ADAMTSL1: variants seen among roughly 807,000 people sequenced by gnomAD.
ADAMTSL1 encodes the protein ADAMTS like 1.
In ADAMTSL1, 126 loss-of-function variants were observed where a neutral mutation model predicts 201.8. The observed-to-expected ratio is 0.62, with a 90% confidence interval of 0.54 to 0.72. The LOEUF (loss-of-function observed/expected upper bound fraction) is 0.72. ADAMTSL1 is among the 30% of genes least tolerant of loss of function. The probability of loss-of-function intolerance (pLI) is 0.00; values close to 1 mark genes in which losing one functional copy is unlikely to be tolerated. For synonymous variants in ADAMTSL1, 1,121 were observed against 903.4 expected (o/e 1.24, Z -4.32); for missense variants, 2,679 against 2,277.8 (o/e 1.18, Z -3.59).
chr9:18,227,440 T>C (rs1250302438), intron 2 of ADAMTSL1, among the ~76,000 whole-genome samples: 1 of 152,186 alleles, frequency 6.6e-6, no homozygotes, highest in Non-Finnish European at 1.5e-5. Context: ...TCTAATGTTG[T>C]CTATAGATTA....
intron 1 of ADAMTSL1, among the ~76,000 whole-genome samples, chr9:18,022,787 T>C (rs1280062513): frequency 6.6e-6 from 1 of 152,188 alleles, no homozygotes. Flanking sequence ...ACAAGAATTC[T>C]GTCTCCTCTA....
At chr9:18,813,046 C>A (rs1823607560) in intron 20 of ADAMTSL1, among the ~76,000 whole-genome samples, 1 of 149,332 alleles carries the variant, frequency 6.7e-6, no homozygotes, top group Non-Finnish European at 1.5e-5. Context: ...CAGCTTACTG[C>A]AAACTCTGCC....
intron 1 of ADAMTSL1, among the ~76,000 whole-genome samples, chr9:18,098,923 CT>C (rs1411008354): frequency 6.6e-6 from 1 of 152,132 alleles, no homozygotes; most frequent in Non-Finnish European, 1.5e-5. Context: ...CTGGGGCTCA[CT>C]TTGTGAGTTT....
intron 16 of ADAMTSL1, among the ~76,000 whole-genome samples, chr9:18,756,842 T>C (rs1267602140): frequency 6.6e-6 from 1 of 151,912 alleles, no homozygotes; most frequent in Admixed American, 6.5e-5. Flanking sequence ...ACTGACCTCA[T>C]GTGTATGTTT....
chr9:18,303,117 G>C (rs1433992189), intron 2 of ADAMTSL1, among the ~76,000 whole-genome samples: 1 of 152,178 alleles, frequency 6.6e-6, no homozygotes, highest in Non-Finnish European at 1.5e-5. Context: ...TGGTTAGTTA[G>C]TAGGTACTTA....
intron 2 of ADAMTSL1, among the ~76,000 whole-genome samples, chr9:18,430,928 A>G (rs561123174): frequency 6.6e-6 from 1 of 152,336 alleles, no homozygotes; most frequent in African/African-American, 2.4e-5. Context: ...GTACAGACAT[A>G]AAACAGGCTG....
chr9:18,147,758 G>A (rs1292735593), intron 1 of ADAMTSL1, among the ~76,000 whole-genome samples: 1 of 152,088 alleles, frequency 6.6e-6, no homozygotes, highest in Non-Finnish European at 1.5e-5. Flanking sequence ...CCATTCCATT[G>A]ATTGAGCTTC....
chr9:17,980,472 T>A (rs1617830), intron 1 of ADAMTSL1, among the ~76,000 whole-genome samples: 43,741 of 151,954 alleles, frequency 0.29, 7,197 homozygotes, highest in East Asian at 0.56. Context: ...GATTACTAGC[T>A]ATACTTTTTA....
At chr9:18,333,398 T>C (rs187917589) in intron 2 of ADAMTSL1, among the ~76,000 whole-genome samples, 1 of 152,304 alleles carries the variant, frequency 6.6e-6, no homozygotes, top group East Asian at 1.9e-4. Flanking sequence ...CTGCCTCCTG[T>C]GAAGAGGTGC....
intron 2 of ADAMTSL1, among the ~76,000 whole-genome samples, chr9:18,173,674 A>G (rs1463391407): frequency 6.6e-6 from 1 of 152,152 alleles, no homozygotes; most frequent in Admixed American, 6.6e-5. Context: ...TGAAGCATTA[A>G]AAGCCCCAAC....
intron 4 of ADAMTSL1, among the ~76,000 whole-genome samples, chr9:18,609,524 T>A (rs1041065341): frequency 1.3e-5 from 2 of 152,266 alleles, no homozygotes; most frequent in South Asian, 4.2e-4. Flanking sequence ...GTGATCTTAC[T>A]TCCTATATGC....
chr9:18,759,724 T>A (rs1464273420), intron 16 of ADAMTSL1, among the ~76,000 whole-genome samples: 1 of 152,230 alleles, frequency 6.6e-6, no homozygotes, highest in African/African-American at 2.4e-5. Flanking sequence ...TTGCCCTGAT[T>A]TTGATGGATG....
intron 3 of ADAMTSL1, among the ~76,000 whole-genome samples, chr9:18,556,507 A>G (rs190186118): frequency 1.3e-5 from 2 of 152,090 alleles, no homozygotes; most frequent in East Asian, 3.9e-4. Context: ...TTTCATAGGA[A>G]GAAGAAAGGA....
chr9:18,359,975 G>A (rs2133073610), intron 2 of ADAMTSL1, among the ~76,000 whole-genome samples: 1 of 152,010 alleles, frequency 6.6e-6, no homozygotes, highest in South Asian at 2.1e-4. Flanking sequence ...TAATAATAAT[G>A]TTAACCCTCC....
At chr9:18,104,682 T>A (rs1824681168) in intron 1 of ADAMTSL1, among the ~76,000 whole-genome samples, 1 of 152,194 alleles carries the variant, frequency 6.6e-6, no homozygotes, top group Non-Finnish European at 1.5e-5. Context: ...AGCCCAGACT[T>A]CACCACTATG....
intron 13 of ADAMTSL1, 48 bp from the exon 14 acceptor site, chr9:18,706,699 C>T (rs1215455321): frequency 2.0e-6 from 3 of 1,513,634 alleles, no homozygotes; most frequent in Non-Finnish European, 2.7e-6. Flanking sequence ...CCATGGCTTC[C>T]TGCCTGGGGC....
At chr9:18,279,936 T>A (rs1832720681) in intron 2 of ADAMTSL1, among the ~76,000 whole-genome samples, 1 of 151,098 alleles carries the variant, frequency 6.6e-6, no homozygotes, top group Non-Finnish European at 1.5e-5. Context: ...CAGACCTAGG[T>A]CCTCAATCCA....
intron 23 of ADAMTSL1, among the ~76,000 whole-genome samples, chr9:18,847,104 G>T (rs1055873113): frequency 1.3e-5 from 2 of 152,314 alleles, no homozygotes; most frequent in Admixed American, 1.3e-4. Context: ...GCTAGGTCCT[G>T]TGCCTTTCTC....
chr9:18,296,619 T>G (rs1435167523), intron 2 of ADAMTSL1, among the ~76,000 whole-genome samples: 1 of 152,096 alleles, frequency 6.6e-6, no homozygotes, highest in Admixed American at 6.5e-5. Context: ...GTTTTCAAAA[T>G]AAAAAGAAAA....
Sources: gnomAD v4.1 joint callset for allele counts (sites outside exome capture counted in the v4.1 genomes callset) on GRCh38, gnomAD v4.1.1 for gene constraint, MANE v1.5 for transcripts, NCBI Gene and HGNC (gene_info 2026-07-23, HGNC 2026-07-21) for gene names.